The following NME9 variants were observed in gnomAD, a reference collection of about 807,000 sequenced individuals.
NME9 encodes NME/NM23 family member 9.
In NME9, 48 loss-of-function variants were observed where a neutral mutation model predicts 44.4. The ratio of observed to expected loss-of-function variants is 1.08; its 90% CI spans 0.86 to 1.37. The LOEUF is 1.37. Ranked by LOEUF, NME9 falls within the 40% of genes most tolerant of loss-of-function variation. The pLI is 0.00. For missense variants in NME9, 325 were observed against 405.2 expected, an observed-to-expected ratio of 0.80 and a Z score of 1.70; for synonymous variants, 139 against 147.1, an observed-to-expected ratio of 0.94 and a Z score of 0.40.
At chr3:138,325,049 T>C (rs966601159) in intron 1 of NME9, 119 bp from the exon 2 acceptor site, 2 of 776,918 alleles carry the variant, frequency 2.6e-6, no homozygotes, top group Non-Finnish European at 4.4e-6. Flanking sequence ...ACAGTTCAAG[T>C]TATCCTCTCC....
At chr3:138,304,804 T>C in intron 9 of NME9, 69 bp downstream of exon 9, 2 of 1,461,850 alleles carry the variant, frequency 1.4e-6, no homozygotes, top group Non-Finnish European at 9.5e-7. Context: ...GGCTGAACAC[T>C]GAGTGGGACT....
intron 8 of NME9, among the ~76,000 whole-genome samples, chr3:138,278,427 C>T (rs2049524912): frequency 1.3e-5 from 2 of 151,912 alleles, no homozygotes; most frequent in African/African-American, 4.8e-5. Flanking sequence ...TCGCTTGAAC[C>T]TGGGAAGCAG....
intron 8 of NME9, 167 bp downstream of exon 8, chr3:138,305,837 C>A: frequency 1.7e-6 from 1 of 572,914 alleles, no homozygotes; most frequent in Non-Finnish European, 3.1e-6. Flanking sequence ...AAAAACTTTA[C>A]CTGATACAGC....
At chr3:138,309,674 G>C (rs189251132) in intron 6 of NME9, among the ~76,000 whole-genome samples, 1 of 151,602 alleles carries the variant, frequency 6.6e-6, no homozygotes, top group East Asian at 2.0e-4. Flanking sequence ...GACAGAACTA[G>C]AGTGAGCCAA....
At chr3:138,314,438 G>A in intron 5 of NME9, 31 bp from the exon 6 acceptor site, 2 of 1,382,960 alleles carry the variant, frequency 1.4e-6, no homozygotes, top group African/African-American at 1.4e-5. Context: ...AAAGAAAGTA[G>A]TTAGCTAATT....
intron 8 of NME9, among the ~76,000 whole-genome samples, chr3:138,271,711 A>T (rs1576909839): frequency 6.6e-6 from 1 of 152,032 alleles, no homozygotes; most frequent in East Asian, 1.9e-4. Context: ...CTTGATGGCT[A>T]ATGTCTTAGC....
intron 8 of NME9, among the ~76,000 whole-genome samples, chr3:138,292,842 C>T (rs2051098836): frequency 6.6e-6 from 1 of 152,140 alleles, no homozygotes; most frequent in African/African-American, 2.4e-5. Flanking sequence ...AGAGTCCCTC[C>T]AGCATTTAGG....
chr3:138,290,515 T>C, intron 8 of NME9: 2 of 1,518,158 alleles, frequency 1.3e-6, no homozygotes, highest in Non-Finnish European at 1.8e-6. Flanking sequence ...GCCTGGGTCA[T>C]GTTCCCAGTA....
intron 8 of NME9, among the ~76,000 whole-genome samples, chr3:138,275,784 A>T (rs2049231957): frequency 6.6e-6 from 1 of 152,172 alleles, no homozygotes; most frequent in Admixed American, 6.5e-5. Flanking sequence ...GTGAGCAAAA[A>T]GTTGGTAGGT....
chr3:138,301,756 C>A, intron 10 of NME9, 52 bp from the exon 11 acceptor site: 1 of 1,380,162 alleles, frequency 7.2e-7, no homozygotes, highest in African/African-American at 1.4e-5. Context: ...CTGTCCCAGA[C>A]CTTCTGTCCC....
intron 8 of NME9, among the ~76,000 whole-genome samples, chr3:138,266,369 G>A (rs2048288562): frequency 6.6e-6 from 1 of 152,034 alleles, no homozygotes; most frequent in East Asian, 1.9e-4. Flanking sequence ...ACCAGCAAAA[G>A]TTTATTTCAG....
downstream of NME9, among the ~76,000 whole-genome samples, chr3:138,300,703 A>G (rs1229286707): frequency 6.6e-6 from 1 of 152,214 alleles, no homozygotes; most frequent in Non-Finnish European, 1.5e-5. Flanking sequence ...TTTAAGTGTC[A>G]GCCAGAATCA....
chr3:138,264,992 G>A lies in NME9; in HGVS notation c.746-2406C>T, dbSNP rs888499078. Among the ~76,000 whole-genome samples the A allele has an allele frequency of 7.9e-5, 12 of 151,326 alleles. No individual in the cohort carries two copies. In the South Asian group the frequency reaches 1.5e-3, roughly 18 times the overall value. Reference sequence around the variant, plus strand: ...GGCTCACTGCAGCCTTGTGCCCCCCGGCCCAAGTGATTCTCCCACCTTGGC... The same window carrying A: ...GGCTCACTGCAGCCTTGTGCCCCCCAGCCCAAGTGATTCTCCCACCTTGGC... On this transcript the variant is annotated intron_variant, in intron 8 of 8. Coordinates refer to the NME9 transcript ENST00000317876.
intron 8 of NME9, among the ~76,000 whole-genome samples, chr3:138,270,924 A>G (rs897535858): frequency 6.6e-6 from 1 of 152,216 alleles, no homozygotes; most frequent in Admixed American, 6.5e-5. Context: ...ACCAGACACT[A>G]AGCTGGGCGT....
intron 4 of NME9, among the ~76,000 whole-genome samples, chr3:138,316,304 ATAT>A (rs1327125091): frequency 6.6e-6 from 1 of 152,196 alleles, no homozygotes; most frequent in Non-Finnish European, 1.5e-5. Flanking sequence ...CATTCAACAA[ATAT>A]TATTGAGCAC....
At chr3:138,263,664 C>A in intron 8 of NME9, 1 of 1,232,686 alleles carries the variant, frequency 8.1e-7, no homozygotes, top group Non-Finnish European at 1.2e-6. Flanking sequence ...TGGATGTTAA[C>A]ATACTTGCAT....
chr3:138,306,916 T>C (rs553716121), intron 6 of NME9, among the ~76,000 whole-genome samples: 26 of 152,330 alleles, frequency 1.7e-4, no homozygotes, highest in African/African-American at 5.5e-4. Flanking sequence ...CAGGCCTGGC[T>C]GCCCTCACCC....
chr3:138,288,916 C>T (rs767704168), intron 8 of NME9: 9 of 666,412 alleles, frequency 1.4e-5, no homozygotes, highest in Non-Finnish European at 2.3e-5. Context: ...GGATTACAGG[C>T]ATGAGCCACC....
At chr3:138,303,431 C>CA in intron 10 of NME9, 76 bp downstream of exon 10, 1 of 1,190,282 alleles carries the variant, frequency 8.4e-7, no homozygotes, top group Non-Finnish European at 1.2e-6. Context: ...ATCAATCCCC[C>CA]ACACACTCAA....
Sources: allele counts gnomAD v4.1 joint callset (sites outside exome capture counted in the v4.1 genomes callset), GRCh38; gene constraint gnomAD v4.1.1; transcripts MANE v1.5; gene names NCBI Gene and HGNC (gene_info 2026-07-23, HGNC 2026-07-21).